Variants in FAM184A observed in about 807,000 individuals in gnomAD.
FAM184A encodes family with sequence similarity 184 member A.
FAM184A carries 99 observed loss-of-function variants against 143.8 expected under a neutral mutation model. The ratio of observed to expected loss-of-function variants is 0.69; its 90% CI spans 0.58 to 0.81. FAM184A has a LOEUF of 0.81. Among genes scored for constraint, FAM184A ranks in the 40% least tolerant of loss-of-function variants. FAM184A has a pLI of 0.00. For missense variants in FAM184A, 1,217 were observed against 1,310.5 expected, an observed-to-expected ratio of 0.93 and a Z score of 1.10; for synonymous variants, 427 against 446.4, an observed-to-expected ratio of 0.96 and a Z score of 0.55.
chr6:119,104,464 A>G (rs1788724713), intron 1 of FAM184A, among the ~76,000 whole-genome samples: 1 of 152,234 alleles, frequency 6.6e-6, no homozygotes, highest in Non-Finnish European at 1.5e-5. Flanking sequence ...AGGGTCCACC[A>G]TAGTGCCTGA....
At chr6:119,094,029 T>G (rs1022836389) in intron 1 of FAM184A, among the ~76,000 whole-genome samples, 2 of 131,436 alleles carry the variant, frequency 1.5e-5, no homozygotes, top group African/African-American at 5.4e-5. Flanking sequence ...TCTCCCTTCT[T>G]TCCTTTCTTC....
chr6:119,006,567 A>C lies in FAM184A; in HGVS notation c.1695T>G (p.Gly565=), dbSNP rs1784926354. The stretch of plus-strand genomic sequence containing the variant: ...CAATAAGTCCTTCTGCAGAGCCAAG[A>C]CCTTGTTCACTTTTCCTTACCATAT... ...LQDMVRKSEQ[G]LGSAEGLIAS... The change falls in exon 7 of 18, where the codon GGT becomes GGG. Residue 565 remains glycine, a synonymous_variant. Coordinates refer to ENST00000338891, the MANE Select transcript of FAM184A (RefSeq NM_024581.6). 6.2e-7 allele frequency: 1 copy of C among 1,613,276 alleles called. No individual in the cohort carries two copies. Among genetic ancestry groups the C allele is most frequent in the African/African-American group, 1.3e-5 (1 of 74,826 alleles).
At chr6:118,990,057 A>T (rs1210956154) in intron 9 of FAM184A, among the ~76,000 whole-genome samples, 2 of 152,104 alleles carry the variant, frequency 1.3e-5, no homozygotes, top group Non-Finnish European at 2.9e-5. Flanking sequence ...TCATCTTCTG[A>T]CCTCGTGATC....
chr6:119,059,154 T>C (rs1787124874), intron 1 of FAM184A, among the ~76,000 whole-genome samples: 1 of 151,790 alleles, frequency 6.6e-6, no homozygotes, highest in African/African-American at 2.4e-5. Context: ...ATTTTTTAAT[T>C]TTTTGTAGAG....
At chr6:119,051,059 G>C (rs1233470867) in intron 1 of FAM184A, among the ~76,000 whole-genome samples, 6 of 152,044 alleles carry the variant, frequency 3.9e-5, no homozygotes, top group Non-Finnish European at 2.9e-5. Context: ...TTAACACCTG[G>C]GTGATGAAGT....
At chr6:119,132,994 C>T (rs967802159) in intron 1 of FAM184A, among the ~76,000 whole-genome samples, 1 of 152,166 alleles carries the variant, frequency 6.6e-6, no homozygotes, top group Non-Finnish European at 1.5e-5. Flanking sequence ...AGGATTTGTT[C>T]ATAAATACTA....
At chr6:119,120,196 T>C (rs949283376) in intron 1 of FAM184A, among the ~76,000 whole-genome samples, 6 of 152,372 alleles carry the variant, frequency 3.9e-5, no homozygotes, top group African/African-American at 1.4e-4. Flanking sequence ...TCCCAGCCCC[T>C]GGCAACCACT....
intron 3 of FAM184A, 63 bp downstream of exon 3, chr6:119,022,882 A>C (rs1181074368): frequency 1.9e-6 from 3 of 1,596,254 alleles, no homozygotes; most frequent in East Asian, 4.5e-5. Context: ...GTCTCCAAAA[A>C]AATAAATAAA....
Position 119,078,473 on chromosome 6 carries a change from A to T in FAM184A, c.-174T>A. 2 of 579,604 alleles carry T rather than the reference A, an allele frequency of 3.5e-6. No homozygotes were observed. The highest frequency in any genetic ancestry group is 5.3e-6 in the Non-Finnish European group (2 of 374,352). 35.9% of individuals were successfully genotyped at this position (579,604 alleles called of 1,614,324 possible). A position where few individuals can be genotyped will look rare whatever the true frequency, so the allele number is the denominator to read the frequency against. On this transcript the variant is annotated 5_prime_UTR_variant, in exon 1 of 18. Transcript: ENST00000338891. This position sits in a 1 kb window ranked among gnomAD's most constrained non-coding sequence, Gnocchi z 5.5. ...CCGCGACCCCCGGGTCACCCCTGGA[A>T]GGGACGGGGCGGTCCCGCCGGCCCG...
chr6:119,024,146 C>CTTCCT lies in FAM184A; in HGVS notation c.826_827insAGGAA (p.Ser276LysfsTer29). 6.2e-7 allele frequency: 1 copy of CTTCCT among 1,614,158 alleles called. No individual in the cohort carries two copies. The highest frequency in any genetic ancestry group is 8.5e-7 in the Non-Finnish European group (1 of 1,180,014). ...TTCCTTTTCTTTGCTGGCCTGTAGGCTTTCTGCTGTAAAAAGCTGTGACCT... is the reference window on the plus strand; with the variant it reads ...TTCCTTTTCTTTGCTGGCCTGTAGGCTTCCTTTTCTGCTGTAAAAAGCTGTGACCT... On this transcript the variant is annotated frameshift_variant, in exon 2 of 18. Transcript: ENST00000338891. LOFTEE classifies it high-confidence loss of function.
At chr6:119,148,334 G>C (rs1331025540) in intron 1 of FAM184A, among the ~76,000 whole-genome samples, 7 of 152,178 alleles carry the variant, frequency 4.6e-5, no homozygotes, top group Non-Finnish European at 8.8e-5. Context: ...AGCTCCAGTT[G>C]CTATTTTATT....
In FAM184A at chr6:118,960,042, A is replaced by C. The variant is rs1218956091; in HGVS notation, c.*61T>G. 2.2e-6 allele frequency: 3 copies of C among 1,336,468 alleles called. No homozygotes were observed. Among genetic ancestry groups the C allele is most frequent in the East Asian group, 2.3e-5 (1 of 43,170 alleles). 82.8% of individuals were successfully genotyped at this position (1,336,468 alleles called of 1,614,324 possible). A position where few individuals can be genotyped will look rare whatever the true frequency, so the allele number is the denominator to read the frequency against. The stretch of plus-strand genomic sequence containing the variant: ...ACATAGGAAAGCCTATTTACATAAC[A>C]ATCTGTATAAAGTCATGCTCTTAGT... On this transcript the variant is annotated 3_prime_UTR_variant, in exon 18 of 18. Coordinates refer to ENST00000338891, the MANE Select transcript of FAM184A (RefSeq NM_024581.6).
At chr6:119,006,785 A>G (rs1395177637) in intron 6 of FAM184A, among the ~76,000 whole-genome samples, 177 bp from the exon 7 acceptor site, 2 of 152,190 alleles carry the variant, frequency 1.3e-5, no homozygotes, top group African/African-American at 4.8e-5. Flanking sequence ...TGTGTTTTGA[A>G]AAGACTTTCA....
At chr6:119,043,828 C>A (rs977701142) in intron 1 of FAM184A, among the ~76,000 whole-genome samples, 2 of 152,172 alleles carry the variant, frequency 1.3e-5, no homozygotes, top group Non-Finnish European at 2.9e-5. Context: ...CACAGGTATG[C>A]CTTTTCATTT....
At chr6:119,043,132 A>G (rs1786406397) in intron 1 of FAM184A, among the ~76,000 whole-genome samples, 1 of 152,186 alleles carries the variant, frequency 6.6e-6, no homozygotes, top group South Asian at 2.1e-4. Context: ...ATATAAATGG[A>G]GCAATGTTCT....
chr6:119,017,659 C>CTA (rs1785307457), intron 4 of FAM184A, among the ~76,000 whole-genome samples: 2 of 152,238 alleles, frequency 1.3e-5, no homozygotes, highest in Non-Finnish European at 2.9e-5. Context: ...AATACAAAGA[C>CTA]TATGGCAATA....
At chr6:119,101,555 T>C (rs1788638044) in intron 1 of FAM184A, among the ~76,000 whole-genome samples, 3 of 152,228 alleles carry the variant, frequency 2.0e-5, no homozygotes, top group Admixed American at 6.5e-5. Context: ...ATTTTGGTAC[T>C]TTTCCCACCA....
Position 119,016,819 on chromosome 6 carries a change from T to G in FAM184A, c.1458A>C (p.Leu486Phe), listed in dbSNP as rs1785272287. The G allele has an allele frequency of 6.2e-7, 1 of 1,614,100 alleles. No homozygotes were observed. The highest frequency in any genetic ancestry group is 1.3e-5 in the African/African-American group (1 of 74,946). ...CAATTGCCATATGGTGCTTCCAAGC[T>G]AATTCTTCCAAAGTCTTAGAATGGG... is the stretch of plus-strand genomic sequence containing the variant. ...NEAHSKTLEE[L>F]AWKHHMAIEA... Residue 486 changes from leucine to phenylalanine, a missense_variant, in exon 5 of 18, where the codon TTA (leucine) becomes TTC (phenylalanine). Transcript: ENST00000338891.
chr6:119,078,419 C>T lies in FAM184A; in HGVS notation c.-120G>A. The T allele has an allele frequency of 1.0e-5, 11 of 1,068,926 alleles. No homozygotes were observed. The highest frequency in any genetic ancestry group is 3.2e-5 in the East Asian group (1 of 30,872). The allele number at this position is 1,068,926 out of a possible 1,614,324, so 66.2% of individuals were successfully genotyped here. On this transcript the variant is annotated 5_prime_UTR_variant, in exon 1 of 18. Transcript: ENST00000338891. The surrounding 1 kb of genome is among the most constrained non-coding windows in gnomAD (Gnocchi z 5.5). ...CTTCCCGACCCGACACCCGGCGCCC[C>T]CCAGACTCGGCCGCAGGCGCCGTCC...
Sources: allele counts gnomAD v4.1 joint callset (sites outside exome capture counted in the v4.1 genomes callset), GRCh38; gene constraint gnomAD v4.1.1; non-coding constraint Gnocchi (gnomAD v3.1); transcripts MANE v1.5; gene names NCBI Gene and HGNC (gene_info 2026-07-23, HGNC 2026-07-21).